Variants in MMD2 observed in about 807,000 individuals in gnomAD.
The protein encoded by MMD2 is monocyte to macrophage differentiation factor 2.
Under a neutral mutation model 33.5 loss-of-function variants are expected in MMD2, and 30 were observed. That is an observed-to-expected ratio of 0.90 (90% CI 0.67 to 1.22). MMD2 has a LOEUF of 1.22. Ranked by LOEUF, MMD2 falls within the 50% of genes most tolerant of loss-of-function variation. MMD2 has a pLI of 0.00. For synonymous variants in MMD2, 129 were observed against 123.0 expected (o/e 1.05, Z -0.32); for missense variants, 364 against 325.4 (o/e 1.12, Z -0.91).
At chr7:4,953,719 C>T (rs1786313084) in intron 1 of MMD2, among the ~76,000 whole-genome samples, 1 of 152,140 alleles carries the variant, frequency 6.6e-6, no homozygotes, top group East Asian at 1.9e-4. Context: ...GATCCACCTG[C>T]CTTGGCTTCC....
rs991353317 is a variant in MMD2 at position 4,907,208 on chromosome 7, T to C, written c.*188A>G. The C allele has an allele frequency of 6.6e-6, 4 of 602,824 alleles. No individual in the cohort carries two copies. The highest frequency in any genetic ancestry group is 8.9e-6 in the Non-Finnish European group (3 of 336,358). The allele number at this position is 602,824 out of a possible 1,614,324, so 37.3% of individuals were successfully genotyped here. A position where few individuals can be genotyped will look rare whatever the true frequency, so the allele number is the denominator to read the frequency against. On this transcript the variant is annotated 3_prime_UTR_variant, in exon 7 of 7. Transcript: ENST00000401401. ...AGGGTTAATTTCTCCTCTGTAAGAA[T>C]GGCTAAATGCTTTCTTTCTCGCTGG...
At chr7:4,934,588 G>C (rs1785686598) in intron 1 of MMD2, among the ~76,000 whole-genome samples, 2 of 152,224 alleles carry the variant, frequency 1.3e-5, no homozygotes, top group Non-Finnish European at 2.9e-5. Flanking sequence ...CTGGAGAACA[G>C]ACTCCTCATT....
intron 1 of MMD2, among the ~76,000 whole-genome samples, chr7:4,926,185 C>CCTCCTGGGCTCAAGTGAT (rs1785422465): frequency 2.0e-5 from 3 of 151,854 alleles, no homozygotes; most frequent in Non-Finnish European, 2.9e-5. Context: ...GCTGCCTCCA[C>CCTCCTGGGCTCAAGTGAT]CTCCTGGGCT....
chr7:4,951,192 A>T (rs764825008), intron 1 of MMD2, among the ~76,000 whole-genome samples: 3 of 151,186 alleles, frequency 2.0e-5, no homozygotes, highest in Non-Finnish European at 4.4e-5. Flanking sequence ...CAAGAAAGCA[A>T]CTCCCTTGAT....
chr7:4,958,863 C>T, intron 1 of MMD2, 108 bp downstream of exon 1: 2 of 1,002,512 alleles, frequency 2.0e-6, no homozygotes, highest in Non-Finnish European at 1.3e-6. Context: ...CCGCCGATCC[C>T]CTCTAGCGCT....
chr7:4,954,759 T>C (rs1021848826), intron 1 of MMD2, among the ~76,000 whole-genome samples: 8 of 152,176 alleles, frequency 5.3e-5, no homozygotes, highest in Non-Finnish European at 1.0e-4. Context: ...TCAATCTTTT[T>C]TTTATGATTT....
chr7:4,897,783 G>T, the MMD2 span, among the ~76,000 whole-genome samples: 2 of 151,858 alleles, frequency 1.3e-5, no homozygotes, highest in African/African-American at 4.8e-5. Flanking sequence ...TATCACCCAG[G>T]CTGGAGTACA....
the MMD2 span, among the ~76,000 whole-genome samples, chr7:4,895,035 C>T: frequency 6.6e-6 from 1 of 151,828 alleles, no homozygotes; most frequent in South Asian, 2.1e-4. Context: ...GTATCCCCAA[C>T]GCTCAGCCGC....
At chr7:4,905,322 G>C (rs1213576403), downstream of MMD2, among the ~76,000 whole-genome samples, 1 of 149,960 alleles carries the variant, frequency 6.7e-6, no homozygotes, top group Non-Finnish European at 1.5e-5. The surrounding 1 kb of genome is among the most constrained non-coding windows in gnomAD (Gnocchi z 5.0). Flanking sequence ...GGAAGAAGAA[G>C]AAGCAGCAAT....
intron 1 of MMD2, among the ~76,000 whole-genome samples, chr7:4,927,121 G>A (rs1182894707): frequency 6.6e-6 from 1 of 152,056 alleles, no homozygotes; most frequent in Non-Finnish European, 1.5e-5. Flanking sequence ...CCCACTGCAG[G>A]GGGACACTCC....
intron 3 of MMD2, among the ~76,000 whole-genome samples, chr7:4,919,731 C>T (rs7456036): frequency 2.1e-4 from 32 of 151,980 alleles, no homozygotes; most frequent in African/African-American, 7.7e-4. Context: ...ACCCACCCCC[C>T]AAAAAAATAC....
chr7:4,935,020 T>A (rs973914622), intron 1 of MMD2, among the ~76,000 whole-genome samples: 2 of 151,938 alleles, frequency 1.3e-5, no homozygotes, highest in South Asian at 4.2e-4. Context: ...ACCCCATCTC[T>A]ACTAAAAATA....
chr7:4,958,697 T>C (rs1583409001), intron 1 of MMD2, among the ~76,000 whole-genome samples: 2 of 152,210 alleles, frequency 1.3e-5, no homozygotes, highest in South Asian at 4.1e-4. Flanking sequence ...GGGACTCGCA[T>C]AACCCCCGTT....
At chr7:4,955,259 C>T (rs1329288628) in intron 1 of MMD2, among the ~76,000 whole-genome samples, 2 of 152,206 alleles carry the variant, frequency 1.3e-5, no homozygotes, top group African/African-American at 2.4e-5. Flanking sequence ...TTAATTCTTA[C>T]AGCTTTATGA....
intron 1 of MMD2, among the ~76,000 whole-genome samples, chr7:4,936,220 G>A (rs1785738285): frequency 6.7e-6 from 1 of 149,324 alleles, no homozygotes; most frequent in South Asian, 2.1e-4. Context: ...AATGTAAAGT[G>A]TAACCACATA....
intron 1 of MMD2, among the ~76,000 whole-genome samples, chr7:4,944,768 T>C (rs1485064315): frequency 8.0e-5 from 11 of 137,608 alleles, no homozygotes; most frequent in Admixed American, 2.2e-4. Context: ...TTCTTTTTTT[T>C]TTTTTTTTTT....
intron 1 of MMD2, among the ~76,000 whole-genome samples, chr7:4,947,973 C>A (rs1045506467): frequency 6.6e-6 from 1 of 151,866 alleles, no homozygotes; most frequent in African/African-American, 2.4e-5. Flanking sequence ...GCTGGGATTA[C>A]AGGCGTGAGC....
At position 4,916,087 on chromosome 7, in the gene MMD2, G is replaced by C; in HGVS notation, c.291-8C>G. ...AGACAGTGTTCCACCATCCTAGGGCGGCAGAGAAGCCGGCAGTCACAGCCC... is the reference window on the plus strand; with the variant it reads ...AGACAGTGTTCCACCATCCTAGGGCCGCAGAGAAGCCGGCAGTCACAGCCC... On this transcript the variant is annotated splice_polypyrimidine_tract_variant and splice_region_variant and intron_variant, in intron 3 of 6. Coordinates refer to ENST00000401401, the MANE Select transcript of MMD2 (RefSeq NM_198403.4). The C allele has an allele frequency of 9.3e-6, 15 of 1,613,282 alleles. No individual in the cohort carries two copies. Among genetic ancestry groups the C allele is most frequent in the Non-Finnish European group, 1.3e-5 (15 of 1,179,678 alleles).
chr7:4,895,632 G>A, the MMD2 span, among the ~76,000 whole-genome samples: 3 of 152,096 alleles, frequency 2.0e-5, no homozygotes, highest in Non-Finnish European at 2.9e-5. Flanking sequence ...CATCTCCCGG[G>A]TTCAAACAAT....
Sources: allele counts gnomAD v4.1 joint callset (sites outside exome capture counted in the v4.1 genomes callset), GRCh38; gene constraint gnomAD v4.1.1; non-coding constraint Gnocchi (gnomAD v3.1); transcripts MANE v1.5; gene names NCBI Gene and HGNC (gene_info 2026-07-23, HGNC 2026-07-21).